The following GRIP1 variants were observed in gnomAD, a reference collection of about 807,000 sequenced individuals.
GRIP1 encodes the protein glutamate receptor-interacting protein 1.
In GRIP1, 45 loss-of-function variants were observed where a neutral mutation model predicts 129.9. That is an observed-to-expected ratio of 0.35 (90% CI 0.27 to 0.44). The LOEUF (loss-of-function observed/expected upper bound fraction) is 0.44. Among genes scored for constraint, GRIP1 ranks in the 20% least tolerant of loss-of-function variants. The probability of loss-of-function intolerance (pLI) is 1.00; values close to 1 mark genes in which losing one functional copy is unlikely to be tolerated. For missense variants in GRIP1, 1,196 were observed against 1,396.8 expected (o/e 0.86, Z 2.29); for synonymous variants, 530 against 520.8 (o/e 1.02, Z -0.24).
chr12:66,664,549 TACA>T (rs2033690458), intron 1 of GRIP1, among the ~76,000 whole-genome samples: 1 of 152,186 alleles, frequency 6.6e-6, no homozygotes, highest in African/African-American at 2.4e-5. Context: ...TGTGCCTTAA[TACA>T]ACAAGAAACA....
chr12:66,497,623 G>GA (rs1228792878), intron 7 of GRIP1, among the ~76,000 whole-genome samples: 1 of 152,206 alleles, frequency 6.6e-6, no homozygotes, highest in Non-Finnish European at 1.5e-5. Flanking sequence ...GAATGGAAGT[G>GA]ATGTGAAGAG....
intron 1 of GRIP1, among the ~76,000 whole-genome samples, chr12:66,715,336 C>T (rs2035843621): frequency 6.6e-6 from 1 of 151,982 alleles, no homozygotes; most frequent in Non-Finnish European, 1.5e-5. Flanking sequence ...TCATGCTGCC[C>T]TGTCCCTACA....
At chr12:66,657,328 G>T (rs760844899) in intron 1 of GRIP1, among the ~76,000 whole-genome samples, 1 of 152,136 alleles carries the variant, frequency 6.6e-6, no homozygotes, top group East Asian at 1.9e-4. Context: ...CCACTGCCCA[G>T]GTGAGGTTGA....
intron 1 of GRIP1, among the ~76,000 whole-genome samples, chr12:67,001,450 C>A (rs1224686939): frequency 1.3e-5 from 2 of 152,218 alleles, no homozygotes; most frequent in Non-Finnish European, 2.9e-5. Context: ...TCAGTACATT[C>A]AACCAGTGTA....
In GRIP1 at chr12:66,588,043, AGACT is replaced by A. The variant is rs995550406; in HGVS notation, c.136+8800_136+8803del. 1.6e-4 allele frequency among the ~76,000 whole-genome samples: 25 copies of A among 151,968 alleles called. No individual in the cohort carries two copies. The South Asian group carries it at 4.4e-3, about 27-fold the overall frequency. ...AGATATTATCAGAGTCAGTGAGTCAAGACTGACTATGATGCCACAGAACACAGTG... is the reference window on the plus strand; with the variant it reads ...AGATATTATCAGAGTCAGTGAGTCAAGACTATGATGCCACAGAACACAGTG... On this transcript the variant is annotated intron_variant, in intron 2 of 24. Transcript: ENST00000359742.
intron 1 of GRIP1, among the ~76,000 whole-genome samples, chr12:66,927,061 C>A (rs1283974003): frequency 6.6e-6 from 1 of 152,180 alleles, no homozygotes; most frequent in African/African-American, 2.4e-5. Flanking sequence ...ACCACTCCAA[C>A]TTGTTACATT....
intron 1 of GRIP1, among the ~76,000 whole-genome samples, chr12:66,664,798 T>C (rs2033704295): frequency 6.6e-6 from 1 of 152,204 alleles, no homozygotes; most frequent in Admixed American, 6.5e-5. Context: ...TTGTTATTAG[T>C]AATGTTAATA....
rs147636540 is a variant in GRIP1, at chr12:67,012,163, T to C, written c.58+56887A>G. Among the ~76,000 whole-genome samples the C allele has an allele frequency of 2.1e-3, 327 of 152,278 alleles. 3 individuals are homozygous for C. The highest frequency in any genetic ancestry group is 7.6e-3 in the African/African-American group (314 of 41,568). ...AATTTGTTCCATATATCTCTGTGGA[T>C]CAATAAGTACAAGCTGTAGGAGAGA... On this transcript the variant is annotated intron_variant, in intron 1 of 1. Transcript: ENST00000643019.
intron 1 of GRIP1, among the ~76,000 whole-genome samples, chr12:66,694,969 A>G (rs565746265): frequency 2.0e-5 from 3 of 152,362 alleles, no homozygotes; most frequent in Admixed American, 6.5e-5. Flanking sequence ...CTGAAGCACT[A>G]AAGTCTTACT....
intron 2 of GRIP1, among the ~76,000 whole-genome samples, chr12:66,580,304 T>C (rs1475266611): frequency 1.3e-5 from 2 of 150,988 alleles, no homozygotes; most frequent in African/African-American, 4.9e-5. Flanking sequence ...TGCAAAATCA[T>C]GCCAAAATGT....
chr12:66,619,787 C>G (rs2065191466), intron 1 of GRIP1, among the ~76,000 whole-genome samples: 1 of 152,040 alleles, frequency 6.6e-6, no homozygotes, highest in African/African-American at 2.4e-5. Context: ...ATTTTATTGT[C>G]CAGTGAAAGA....
At chr12:66,784,811 A>C (rs1168399825) in intron 1 of GRIP1, among the ~76,000 whole-genome samples, 1 of 152,106 alleles carries the variant, frequency 6.6e-6, no homozygotes, top group African/African-American at 2.4e-5. Context: ...TTTTTCTATA[A>C]AGTCTCGTCT....
At chr12:66,351,837 C>G (rs557503701) in intron 24 of GRIP1, among the ~76,000 whole-genome samples, 1 of 152,034 alleles carries the variant, frequency 6.6e-6, no homozygotes, top group Non-Finnish European at 1.5e-5. Context: ...AAAAACACAC[C>G]GATGCCGTAT....
chr12:66,819,795 T>C (rs2039286334), intron 1 of GRIP1, among the ~76,000 whole-genome samples: 1 of 152,088 alleles, frequency 6.6e-6, no homozygotes, highest in African/African-American at 2.4e-5. Flanking sequence ...CCATCAGAGA[T>C]GTGATATCAT....
chr12:66,602,946 A>C (rs1592631571), intron 1 of GRIP1, among the ~76,000 whole-genome samples: 1 of 143,138 alleles, frequency 7.0e-6, no homozygotes, highest in Non-Finnish European at 1.5e-5. Flanking sequence ...GCAGCCTCAA[A>C]CTCCTGAGCT....
At chr12:66,649,198 C>A (rs962227547) in intron 1 of GRIP1, among the ~76,000 whole-genome samples, 2 of 152,106 alleles carry the variant, frequency 1.3e-5, no homozygotes, top group Middle Eastern at 3.2e-3. Flanking sequence ...TGGTCTGGCT[C>A]GATTCTCTTG....
At chr12:67,044,655 G>C (rs1443687861) in intron 1 of GRIP1, among the ~76,000 whole-genome samples, 2 of 152,060 alleles carry the variant, frequency 1.3e-5, no homozygotes, top group Non-Finnish European at 2.9e-5. Flanking sequence ...CGCTCAAGCT[G>C]ACACCAGCTA....
At chr12:67,003,494 C>T (rs999690222) in intron 1 of GRIP1, among the ~76,000 whole-genome samples, 8 of 151,940 alleles carry the variant, frequency 5.3e-5, no homozygotes, top group African/African-American at 1.9e-4. Flanking sequence ...GAGTTCAAGA[C>T]CAGCCTCAGC....
At chr12:66,494,524 G>C (rs184452623) in intron 7 of GRIP1, among the ~76,000 whole-genome samples, 1 of 152,158 alleles carries the variant, frequency 6.6e-6, no homozygotes, top group Admixed American at 6.5e-5. Flanking sequence ...TACATGGTCT[G>C]TGTGAATTTG....
Sources: allele counts gnomAD v4.1 joint callset (sites outside exome capture counted in the v4.1 genomes callset), GRCh38; gene constraint gnomAD v4.1.1; transcripts MANE v1.5; gene names NCBI Gene and HGNC (gene_info 2026-07-23, HGNC 2026-07-21).